KATNAL2: variants seen among roughly 807,000 people sequenced by gnomAD.
KATNAL2 encodes katanin p60 ATPase-containing subunit A-like 2.
Under a neutral mutation model 76.3 loss-of-function variants are expected in KATNAL2, and 52 were observed. That is an observed-to-expected ratio of 0.68 (90% confidence interval 0.55 to 0.86). The LOEUF is 0.86. Among genes scored for constraint, KATNAL2 ranks in the 40% least tolerant of loss-of-function variants. The pLI is 0.00. For synonymous variants in KATNAL2, 243 were observed against 244.2 expected (o/e 1.00, Z 0.05); for missense variants, 660 against 668.9 (o/e 0.99, Z 0.15).
chr18:46,928,615 T>C (rs2058807046), intron 1 of KATNAL2, among the ~76,000 whole-genome samples: 1 of 152,102 alleles, frequency 6.6e-6, no homozygotes, highest in Non-Finnish European at 1.5e-5. Context: ...CAAAGCTCAG[T>C]TGGAAATGCA....
At chr18:46,935,175 A>C (rs2059051420) in intron 1 of KATNAL2, among the ~76,000 whole-genome samples, 1 of 152,176 alleles carries the variant, frequency 6.6e-6, no homozygotes, top group African/African-American at 2.4e-5. Context: ...ACCTAATAGA[A>C]ACTCTAGAAT....
intron 15 of KATNAL2, among the ~76,000 whole-genome samples, chr18:47,078,874 T>G (rs1015189467): frequency 2.0e-5 from 3 of 152,190 alleles, no homozygotes; most frequent in African/African-American, 7.2e-5. Context: ...TTTCCAAAAA[T>G]TTGCTTCTCA....
chr18:47,099,138 A>G, intron 15 of KATNAL2, 105 bp from the exon 16 acceptor site: 1 of 1,134,386 alleles, frequency 8.8e-7, no homozygotes, highest in Non-Finnish European at 1.3e-6. Flanking sequence ...TGACAGTTAA[A>G]ATGCAGAATT....
At chr18:47,053,264 G>T (rs562064139) in intron 5 of KATNAL2, among the ~76,000 whole-genome samples, 1 of 152,276 alleles carries the variant, frequency 6.6e-6, no homozygotes, top group Non-Finnish European at 1.5e-5. Context: ...TTGAGAAAAT[G>T]TGTTTTCAGG....
chr18:47,041,645 A>G (rs1022405308), intron 3 of KATNAL2, among the ~76,000 whole-genome samples: 2 of 152,236 alleles, frequency 1.3e-5, no homozygotes, highest in African/African-American at 4.8e-5. Context: ...GCAATTATGA[A>G]TAAAGCTGCT....
chr18:46,922,140 G>A (rs1265744860), intron 1 of KATNAL2, among the ~76,000 whole-genome samples: 3 of 140,674 alleles, frequency 2.1e-5, no homozygotes, highest in Admixed American at 1.5e-4. Context: ...TCACTCTGTC[G>A]CCCAGGCTAG....
chr18:46,955,809 T>C (rs1490738304), intron 3 of KATNAL2, among the ~76,000 whole-genome samples: 3 of 152,230 alleles, frequency 2.0e-5, no homozygotes, highest in African/African-American at 7.2e-5. Context: ...CACTTCAGCC[T>C]TCCACAGTGC....
At chr18:47,089,977 G>C (rs2147354451) in intron 15 of KATNAL2, among the ~76,000 whole-genome samples, 1 of 152,256 alleles carries the variant, frequency 6.6e-6, no homozygotes, top group South Asian at 2.1e-4. Context: ...TGGTAGAGCT[G>C]GGGTTTCACC....
intron 3 of KATNAL2, among the ~76,000 whole-genome samples, chr18:47,036,665 G>A (rs1435201457): frequency 6.6e-6 from 1 of 152,172 alleles, no homozygotes; most frequent in African/African-American, 2.4e-5. Flanking sequence ...TATCTGGATC[G>A]GACTTTAATT....
At chr18:47,096,292 AGTGAGAAATACCTG>A (rs2063232361) in intron 15 of KATNAL2, among the ~76,000 whole-genome samples, 1 of 152,224 alleles carries the variant, frequency 6.6e-6, no homozygotes, top group Non-Finnish European at 1.5e-5. Flanking sequence ...TGTTTTTATG[AGTGAGAAATACCTG>A]GTGATGACGT....
rs768234006 is a variant in KATNAL2 at position 47,101,158 on chromosome 18, G to A, written c.*153G>A. On this transcript the variant is annotated 3_prime_UTR_variant, in exon 18 of 18. Transcript: ENST00000683218. Reference sequence around the variant, plus strand: ...AGCCACTGTATTGTTTTGGATAGCTGAGATATATTTATTAACTTACCATTA... The same window carrying A: ...AGCCACTGTATTGTTTTGGATAGCTAAGATATATTTATTAACTTACCATTA... The A allele has an allele frequency of 3.7e-6, 3 of 802,194 alleles. No homozygotes were observed. Among genetic ancestry groups the A allele is most frequent in the Non-Finnish European group, 3.8e-6 (2 of 520,968 alleles). 49.7% of individuals were successfully genotyped at this position (802,194 alleles called of 1,614,324 possible).
chr18:46,933,087 A>T (rs546973890), intron 1 of KATNAL2, among the ~76,000 whole-genome samples: 1 of 152,238 alleles, frequency 6.6e-6, no homozygotes, highest in East Asian at 1.9e-4. Context: ...AATCTCACTT[A>T]TAAACTGCAA....
rs200070646 is a variant in KATNAL2 at position 46,958,434 on chromosome 18, T to TA, written c.51+11518dup. Among the ~76,000 whole-genome samples the TA allele has an allele frequency of 3.8e-3, 579 of 152,222 alleles. 3 individuals carry two copies. Among genetic ancestry groups the TA allele is most frequent in the African/African-American group, 0.013 (539 of 41,542 alleles). ...ATAATCTAGTAAATAATAAATCTAGTAAAAAAATACACACATATATTTATA... is the reference window on the plus strand; with the variant it reads ...ATAATCTAGTAAATAATAAATCTAGTAAAAAAAATACACACATATATTTATA... On this transcript the variant is annotated intron_variant, in intron 3 of 17. Transcript: ENST00000683218.
At chr18:47,075,538 T>A (rs1482122910) in intron 14 of KATNAL2, among the ~76,000 whole-genome samples, 170 bp downstream of exon 14, 1 of 152,268 alleles carries the variant, frequency 6.6e-6, no homozygotes, top group Non-Finnish European at 1.5e-5. Context: ...TAGATCCTGT[T>A]AACTGAATAG....
intron 4 of KATNAL2, among the ~76,000 whole-genome samples, chr18:47,049,124 A>G (rs1215038818): frequency 6.6e-6 from 1 of 152,126 alleles, no homozygotes; most frequent in African/African-American, 2.4e-5. Flanking sequence ...CGCCCAGCCC[A>G]GACTATTTTC....
intron 3 of KATNAL2, among the ~76,000 whole-genome samples, chr18:47,045,116 G>GA (rs201907549): frequency 1.3e-5 from 2 of 149,032 alleles, no homozygotes; most frequent in African/African-American, 2.5e-5. Flanking sequence ...AATTAAAAAA[G>GA]AAAAAAAATG....
chr18:47,055,395 A>G (rs1173360804), intron 6 of KATNAL2, among the ~76,000 whole-genome samples: 1 of 152,198 alleles, frequency 6.6e-6, no homozygotes, highest in Non-Finnish European at 1.5e-5. Context: ...CTCAAGAGGT[A>G]TGGATTCTGT....
chr18:47,065,246 G>A (rs754024206), intron 10 of KATNAL2, among the ~76,000 whole-genome samples: 1 of 152,118 alleles, frequency 6.6e-6, no homozygotes, highest in Non-Finnish European at 1.5e-5. Context: ...GATCACTTGA[G>A]GCCAGGGGTT....
chr18:46,957,860 C>A (rs1599465043), intron 3 of KATNAL2, among the ~76,000 whole-genome samples: 2 of 152,018 alleles, frequency 1.3e-5, no homozygotes, highest in East Asian at 3.9e-4. Flanking sequence ...CCGCGCCCAG[C>A]CTAATTATTG....
Sources: gnomAD v4.1 joint callset for allele counts (sites outside exome capture counted in the v4.1 genomes callset) on GRCh38, gnomAD v4.1.1 for gene constraint, MANE v1.5 for transcripts, NCBI Gene and HGNC (gene_info 2026-07-23, HGNC 2026-07-21) for gene names.